ACOT7: variants seen among roughly 807,000 people sequenced by gnomAD.
The protein encoded by ACOT7 is acyl-CoA thioesterase 7.
In ACOT7, 12 loss-of-function variants were observed where a neutral mutation model predicts 40.2. That is an observed-to-expected ratio of 0.30 (90% CI 0.19 to 0.48). The LOEUF (loss-of-function observed/expected upper bound fraction) is 0.48. Ranked by LOEUF, ACOT7 falls within the 20% of genes least tolerant of loss-of-function variation. The pLI, the probability that ACOT7 is intolerant of heterozygous loss-of-function variation, is 0.99. For missense variants in ACOT7, 395 were observed against 530.8 expected, an observed-to-expected ratio of 0.74 and a Z score of 2.51; for synonymous variants, 228 against 219.5, an observed-to-expected ratio of 1.04 and a Z score of -0.34.
intron 6 of ACOT7, among the ~76,000 whole-genome samples, chr1:6,318,023 C>G (rs531985054): frequency 1.3e-5 from 2 of 152,122 alleles, no homozygotes; most frequent in South Asian, 4.2e-4. Context: ...TGACCTATGG[C>G]GCCCAGCCTG....
intron 6 of ACOT7, among the ~76,000 whole-genome samples, chr1:6,314,685 C>T (rs1640433090): frequency 6.6e-6 from 1 of 152,176 alleles, no homozygotes; most frequent in Non-Finnish European, 1.5e-5. Context: ...TGGAGTGACT[C>T]ACTCAGGACT....
intron 1 of ACOT7, among the ~76,000 whole-genome samples, chr1:6,353,255 G>A (rs61763924): frequency 0.32 from 49,278 of 151,768 alleles, 11,885 homozygotes; most frequent in African/African-American, 0.69. Context: ...GGAAGAGTAC[G>A]TTGCAGTGAG....
At chr1:6,388,391 G>C (rs1027519947) in intron 1 of ACOT7, among the ~76,000 whole-genome samples, 1 of 151,830 alleles carries the variant, frequency 6.6e-6, no homozygotes, top group African/African-American at 2.4e-5. Flanking sequence ...TTACAGGCGT[G>C]AGCCACAGCG....
chr1:6,354,658 C>T (rs867418675), intron 1 of ACOT7, among the ~76,000 whole-genome samples: 5 of 141,962 alleles, frequency 3.5e-5, no homozygotes, highest in African/African-American at 1.3e-4. Context: ...CCTCTCACCC[C>T]CCGTGGCCGC....
intron 4 of ACOT7, among the ~76,000 whole-genome samples, chr1:6,333,156 G>C (rs1446098293): frequency 6.6e-6 from 1 of 152,226 alleles, no homozygotes; most frequent in Non-Finnish European, 1.5e-5. Flanking sequence ...CTAGGTTGGA[G>C]GGATGTTTAT....
chr1:6,381,725 C>T (rs1304111586), intron 1 of ACOT7, among the ~76,000 whole-genome samples: 3 of 151,866 alleles, frequency 2.0e-5, no homozygotes, highest in African/African-American at 7.2e-5. Context: ...CTGCTGTGTT[C>T]ATAGCAGCAT....
At chr1:6,356,551 C>T (rs895306286) in intron 1 of ACOT7, among the ~76,000 whole-genome samples, 2 of 152,314 alleles carry the variant, frequency 1.3e-5, no homozygotes, top group East Asian at 1.9e-4. Context: ...GGGCACTGAA[C>T]CCTGCCTGCC....
At chr1:6,287,065 C>A (rs1308326154) in intron 7 of ACOT7, among the ~76,000 whole-genome samples, 1 of 152,252 alleles carries the variant, frequency 6.6e-6, no homozygotes, top group African/African-American at 2.4e-5. Flanking sequence ...GGATAACAGG[C>A]ATGAGCCACC....
At chr1:6,346,289 A>G (rs569855763) in intron 2 of ACOT7, among the ~76,000 whole-genome samples, 2 of 152,312 alleles carry the variant, frequency 1.3e-5, no homozygotes, top group South Asian at 4.1e-4. Context: ...TTTTGTAGAG[A>G]CAAAGTTTCA....
rs182027707 is a variant in ACOT7 at position 6,340,422 on chromosome 1, G to A, written c.262-833C>T. On this transcript the variant is annotated intron_variant, in intron 2 of 8. Transcript: ENST00000361521. ...TTCTCACAATAGGCATGCATTATTT[G>A]CTTAATATAAAGTGAACAAATGCAT... Among the ~76,000 whole-genome samples, 3 of 152,292 alleles carry A rather than the reference G, an allele frequency of 2.0e-5. No homozygotes were observed. The East Asian group carries it at 5.8e-4, about 29-fold the overall frequency.
intron 1 of ACOT7, among the ~76,000 whole-genome samples, chr1:6,370,037 G>C (rs1411788988): frequency 6.6e-6 from 1 of 152,198 alleles, no homozygotes; most frequent in Non-Finnish European, 1.5e-5. Flanking sequence ...AATAGGAAGT[G>C]TTTGGGTCAC....
At chr1:6,371,455 T>C (rs981090678) in intron 1 of ACOT7, among the ~76,000 whole-genome samples, 1 of 151,396 alleles carries the variant, frequency 6.6e-6, no homozygotes, top group Non-Finnish European at 1.5e-5. Context: ...CTCTACTTCC[T>C]GGGCTCAAGC....
intron 1 of ACOT7, among the ~76,000 whole-genome samples, chr1:6,376,371 T>C (rs1642232340): frequency 6.6e-6 from 1 of 151,722 alleles, no homozygotes; most frequent in African/African-American, 2.4e-5. Context: ...AGGTTGAAGC[T>C]ACAGTGAGCC....
intron 1 of ACOT7, among the ~76,000 whole-genome samples, chr1:6,386,733 C>A (rs1006645367): frequency 6.6e-6 from 1 of 152,106 alleles, no homozygotes; most frequent in Non-Finnish European, 1.5e-5. Context: ...GAGGCGTGCA[C>A]TCGTAGTCCC....
intron 6 of ACOT7, among the ~76,000 whole-genome samples, chr1:6,312,090 A>T (rs1336496487): frequency 6.6e-6 from 1 of 152,150 alleles, no homozygotes; most frequent in Non-Finnish European, 1.5e-5. Flanking sequence ...CAGGATGGAG[A>T]GGAAGGGCTG....
Position 6,393,519 on chromosome 1 carries a change from C to T in ACOT7, c.-120G>A, listed in dbSNP as rs963650937. ...CCCGCGCCGGCCCCACCCCGAGCCC[C>T]GCCTCCCAGGCCGCCAAGGCTGCAG... On this transcript the variant is annotated 5_prime_UTR_variant, in exon 1 of 9. Coordinates refer to ENST00000361521, the MANE Select transcript of ACOT7 (RefSeq NM_007274.4). The T allele has an allele frequency of 3.2e-6, 3 of 943,134 alleles. No individual in the cohort carries two copies. The highest frequency in any genetic ancestry group is 4.5e-5 in the Admixed American group (1 of 22,078). 58.4% of individuals were successfully genotyped at this position (943,134 alleles called of 1,614,324 possible). A position where few individuals can be genotyped will look rare whatever the true frequency, so the allele number is the denominator to read the frequency against.
At chr1:6,374,852 G>C (rs1024718631) in intron 1 of ACOT7, among the ~76,000 whole-genome samples, 2 of 152,196 alleles carry the variant, frequency 1.3e-5, no homozygotes, top group African/African-American at 2.4e-5. Context: ...CACGTCAAGA[G>C]TCAGAGGAGA....
Position 6,345,126 on chromosome 1 carries a change from C to T in ACOT7, c.261+4623G>A, listed in dbSNP as rs111322523. 4.8e-3 allele frequency among the ~76,000 whole-genome samples: 729 copies of T among 152,328 alleles called. 3 individuals are homozygous for T. Among genetic ancestry groups the T allele is most frequent in the African/African-American group, 0.017 (694 of 41,564 alleles). ...GAAGATCTCCCAGCAGCCAGTGCCT[C>T]GGATGAGCCCCACACCTCCTGCTTC... On this transcript the variant is annotated intron_variant, in intron 2 of 8. Coordinates refer to ENST00000361521, the MANE Select transcript of ACOT7 (RefSeq NM_007274.4).
At chr1:6,309,257 G>A (rs1049183183) in intron 6 of ACOT7, among the ~76,000 whole-genome samples, 2 of 152,222 alleles carry the variant, frequency 1.3e-5, no homozygotes, top group Admixed American at 6.5e-5. Context: ...GGACTTGGAC[G>A]GGACAGCGGA....
Sources: gnomAD v4.1 joint callset for allele counts (sites outside exome capture counted in the v4.1 genomes callset) on GRCh38, gnomAD v4.1.1 for gene constraint, MANE v1.5 for transcripts, NCBI Gene and HGNC (gene_info 2026-07-23, HGNC 2026-07-21) for gene names.